PIEZO2: variants seen among roughly 807,000 people sequenced by gnomAD.
PIEZO2 encodes the protein piezo-type mechanosensitive ion channel component 2.
In PIEZO2, 172 loss-of-function variants were observed where a neutral mutation model predicts 337.3. The ratio of observed to expected loss-of-function variants is 0.51; its 90% CI spans 0.45 to 0.58. The LOEUF (loss-of-function observed/expected upper bound fraction) is 0.58. Ranked by LOEUF, PIEZO2 falls within the 20% of genes least tolerant of loss-of-function variation. The pLI is 0.00. For synonymous variants in PIEZO2, 1,251 were observed against 1,228.5 expected, an observed-to-expected ratio of 1.02 and a Z score of -0.38; for missense variants, 3,028 against 3,391.3, an observed-to-expected ratio of 0.89 and a Z score of 2.66.
In PIEZO2 at chr18:11,110,670, G is replaced by A. The variant is rs777106574; in HGVS notation, c.64+37855C>T. 2.6e-5 allele frequency among the ~76,000 whole-genome samples: 4 copies of A among 152,186 alleles called. No homozygotes were observed. Among genetic ancestry groups the A allele is most frequent in the Admixed American group, 1.3e-4 (2 of 15,280 alleles). On this transcript the variant is annotated intron_variant, in intron 1 of 55. Coordinates refer to ENST00000674853, the MANE Select transcript of PIEZO2 (RefSeq NM_001378183.1). The surrounding 1 kb of genome is among the most constrained non-coding windows in gnomAD (Gnocchi z 4.2). ...CTAGCAAGTCAGTGGCCTCTGATGC[G>A]ATGCCTCGTCATCCTTTCCGCCCCT...
At chr18:10,893,745 G>A (rs543559807) in intron 4 of PIEZO2, 1 of 152,142 alleles carries the variant, frequency 6.6e-6, no homozygotes, top group Non-Finnish European at 1.5e-5. Context: ...GTTAAATTTG[G>A]TGGGACCGAA....
chr18:10,680,130 C>A, intron 52 of PIEZO2, 69 bp downstream of exon 52: 4 of 1,362,122 alleles, frequency 2.9e-6, no homozygotes, highest in African/African-American at 1.5e-5. Flanking sequence ...CCCACCACAC[C>A]CTCCCTCCCC....
intron 12 of PIEZO2, among the ~76,000 whole-genome samples, chr18:10,796,130 C>T (rs563300250): frequency 1.1e-4 from 17 of 151,628 alleles, no homozygotes; most frequent in Non-Finnish European, 2.2e-4. Flanking sequence ...TTTGGGAGGC[C>T]GAGGCGGGCG....
rs1362491738 is a variant in PIEZO2, at chr18:10,784,941, A to G, written c.2335T>C (p.Leu779=). The change falls in exon 17 of 56, where the codon TTA becomes CTA. Residue 779 remains leucine (L), a synonymous_variant. Transcript: ENST00000674853. The surrounding 1 kb of genome is among the most constrained non-coding windows in gnomAD (Gnocchi z 4.5). ...LKKEKLEDLG[L]KQFTVAELFT... Reference sequence around the variant, plus strand: ...AGTTCAGCCACAGTAAACTGCTTTAAGCCAAGATCCTCAAGCCTGCAAAAC... The same window carrying G: ...AGTTCAGCCACAGTAAACTGCTTTAGGCCAAGATCCTCAAGCCTGCAAAAC... 9.1e-6 allele frequency: 14 copies of G among 1,536,122 alleles called. No individual in the cohort carries two copies. The Admixed American group carries it at 2.8e-4, about 30-fold the overall frequency.
Position 11,109,062 on chromosome 18 carries a change from CCT to C in PIEZO2, c.64+39461_64+39462del, listed in dbSNP as rs1271031145. On this transcript the variant is annotated intron_variant, in intron 1 of 55. Transcript: ENST00000674853. This position sits in a 1 kb window ranked among gnomAD's most constrained non-coding sequence, Gnocchi z 5.1. Reference sequence around the variant, plus strand: ...CCAACAACTGCAGCTGCCAGAGGCCCCTCTGTTTCCAGCATCCTGGGCAAAGG... The same window carrying C: ...CCAACAACTGCAGCTGCCAGAGGCCCCTGTTTCCAGCATCCTGGGCAAAGG... Among the ~76,000 whole-genome samples, 19 of 152,304 alleles carry C rather than the reference CCT, an allele frequency of 1.2e-4. No homozygotes were observed. The highest frequency in any genetic ancestry group is 6.2e-4 in the South Asian group (3 of 4,828).
chr18:11,055,387 A>G (rs2037692987), intron 2 of PIEZO2, among the ~76,000 whole-genome samples: 1 of 152,200 alleles, frequency 6.6e-6, no homozygotes, highest in African/African-American at 2.4e-5. Context: ...TATAAATACC[A>G]AGAAAAATAA....
intron 1 of PIEZO2, among the ~76,000 whole-genome samples, chr18:11,103,415 T>C (rs922897105): frequency 2.0e-5 from 3 of 152,208 alleles, no homozygotes; most frequent in African/African-American, 7.2e-5. Flanking sequence ...TCACTCATAA[T>C]CCATCCAAAT....
At chr18:10,931,095 G>A (rs1399182243) in intron 3 of PIEZO2, among the ~76,000 whole-genome samples, 1 of 152,010 alleles carries the variant, frequency 6.6e-6, no homozygotes. Context: ...TAGGGTCTGA[G>A]GTGTAGATCT....
At position 10,979,050 on chromosome 18, in the gene PIEZO2, A is replaced by G. The variant is rs1489844384; in HGVS notation, c.286+485T>C. 6.6e-6 allele frequency among the ~76,000 whole-genome samples: 1 copy of G among 152,190 alleles called. No individual in the cohort carries two copies. Among genetic ancestry groups the G allele is most frequent in the South Asian group, 2.1e-4 (1 of 4,836 alleles). On this transcript the variant is annotated intron_variant, in intron 3 of 55. Transcript: ENST00000674853. The surrounding 1 kb of genome is among the most constrained non-coding windows in gnomAD (Gnocchi z 4.0). ...TAAAAAAAACCTTCCAATTCAGAAA[A>G]GAAACTACATGTGTCATTACATTTT...
intron 1 of PIEZO2, among the ~76,000 whole-genome samples, chr18:11,095,357 A>G (rs2039232441): frequency 6.6e-6 from 1 of 152,164 alleles, no homozygotes; most frequent in South Asian, 2.1e-4. Flanking sequence ...GAAAGACACC[A>G]TTGACTCAGT....
intron 21 of PIEZO2, 105 bp downstream of exon 21, chr18:10,770,043 G>T: frequency 8.3e-7 from 1 of 1,204,800 alleles, no homozygotes; most frequent in Non-Finnish European, 1.1e-6. Flanking sequence ...TTGATACTCC[G>T]ATGTAATGCG....
intron 39 of PIEZO2, 64 bp from the exon 40 acceptor site, chr18:10,708,503 C>T (rs12458196): frequency 0.24 from 37,147 of 152,498 alleles, 4,823 homozygotes; most frequent in Non-Finnish European, 0.3. Flanking sequence ...AGGTTACACA[C>T]GGATCAACTG....
At chr18:10,986,908 C>T (rs889393600) in intron 2 of PIEZO2, among the ~76,000 whole-genome samples, 4 of 151,744 alleles carry the variant, frequency 2.6e-5, no homozygotes, top group African/African-American at 9.7e-5. Flanking sequence ...AACTGTGTTT[C>T]TATACACTGA....
At chr18:11,036,554 A>T (rs2036929570) in intron 2 of PIEZO2, among the ~76,000 whole-genome samples, 1 of 151,946 alleles carries the variant, frequency 6.6e-6, no homozygotes, top group Non-Finnish European at 1.5e-5. Context: ...TCTGTGGAAT[A>T]AAATAAGATA....
chr18:10,863,335 G>A lies in PIEZO2; in HGVS notation c.493-6124C>T, dbSNP rs1330398914. Among the ~76,000 whole-genome samples the A allele has an allele frequency of 2.6e-5, 4 of 152,186 alleles. No homozygotes were observed. Among genetic ancestry groups the A allele is most frequent in the Admixed American group, 1.3e-4 (2 of 15,280 alleles). Reference sequence around the variant, plus strand: ...TGTGTGTACCTTATGCAAGCCTAACGTGATCGCATTTAATGGATAAAGCAA... The same window carrying A: ...TGTGTGTACCTTATGCAAGCCTAACATGATCGCATTTAATGGATAAAGCAA... On this transcript the variant is annotated intron_variant, in intron 5 of 55. Transcript: ENST00000674853. This position sits in a 1 kb window ranked among gnomAD's most constrained non-coding sequence, Gnocchi z 4.3.
Position 10,973,159 on chromosome 18 carries a change from G to A in PIEZO2, c.286+6376C>T, listed in dbSNP as rs150525070. Among the ~76,000 whole-genome samples, 1,076 of 151,968 alleles carry A rather than the reference G, an allele frequency of 7.1e-3. 4 individuals are homozygous for A. The highest frequency in any genetic ancestry group is 0.021 in the Middle Eastern group (6 of 292). ...GTGAGCATCCATATCTATTACTAAAGGTGAATCAAAATATCAACACGGCAT... is the reference window on the plus strand; with the variant it reads ...GTGAGCATCCATATCTATTACTAAAAGTGAATCAAAATATCAACACGGCAT... On this transcript the variant is annotated intron_variant, in intron 3 of 55. Coordinates refer to ENST00000674853, the MANE Select transcript of PIEZO2 (RefSeq NM_001378183.1). The surrounding 1 kb of genome is among the most constrained non-coding windows in gnomAD (Gnocchi z 4.9).
intron 3 of PIEZO2, among the ~76,000 whole-genome samples, chr18:10,978,684 G>T (rs540173919): frequency 6.6e-6 from 1 of 152,156 alleles, no homozygotes; most frequent in Non-Finnish European, 1.5e-5. Flanking sequence ...AAGCAAGTTT[G>T]CTTGTACTTG....
intron 3 of PIEZO2, among the ~76,000 whole-genome samples, chr18:10,925,585 A>AT (rs905434141): frequency 1.3e-5 from 2 of 151,842 alleles, no homozygotes; most frequent in Admixed American, 6.6e-5. Context: ...GTGAAAAAAA[A>AT]TTTTTTTTTT....
At position 10,775,446 on chromosome 18, in the gene PIEZO2, G is replaced by T. The variant is rs2038750654; in HGVS notation, c.2535-1408C>A. On this transcript the variant is annotated intron_variant, in intron 18 of 55. Coordinates refer to ENST00000674853, the MANE Select transcript of PIEZO2 (RefSeq NM_001378183.1). This position sits in a 1 kb window ranked among gnomAD's most constrained non-coding sequence, Gnocchi z 4.3. ...ATAAATGAAAAGATACCTTTATTAA[G>T]ACAAGGAATTCGGTGGTTGCAGTGT... is the stretch of plus-strand genomic sequence containing the variant. 6.6e-6 allele frequency among the ~76,000 whole-genome samples: 1 copy of T among 152,188 alleles called. No individual in the cohort carries two copies. The highest frequency in any genetic ancestry group is 2.4e-5 in the African/African-American group (1 of 41,422).
Sources: gnomAD v4.1 joint callset for allele counts (sites outside exome capture counted in the v4.1 genomes callset) on GRCh38, gnomAD v4.1.1 for gene constraint, Gnocchi (gnomAD v3.1) non-coding constraint, MANE v1.5 for transcripts, NCBI Gene and HGNC (gene_info 2026-07-23, HGNC 2026-07-21) for gene names.